COL4A1: variants seen among roughly 807,000 people sequenced by gnomAD.
The protein encoded by COL4A1 is collagen alpha-1(IV) chain.
In COL4A1, 40 loss-of-function variants were observed where a neutral mutation model predicts 216.6. That is an observed-to-expected ratio of 0.18 (90% CI 0.14 to 0.24). The LOEUF is 0.24. Ranked by LOEUF, COL4A1 falls within the 10% of genes least tolerant of loss-of-function variation. COL4A1 has a pLI of 1.00. For missense variants in COL4A1, 1,628 were observed against 2,196.8 expected, an observed-to-expected ratio of 0.74 and a Z score of 5.18; for synonymous variants, 839 against 810.7, an observed-to-expected ratio of 1.03 and a Z score of -0.59.
rs1201241878 is a variant in COL4A1, at chr13:110,170,603, T to C, written c.3686A>G (p.His1229Arg). The C allele has an allele frequency of 1.9e-6, 3 of 1,611,680 alleles. No individual in the cohort carries two copies. Among genetic ancestry groups the C allele is most frequent in the African/African-American group, 2.7e-5 (2 of 75,026 alleles). ...GQPGLPGSPG[H>R]ATEGPKGDRG... Reference sequence around the variant, plus strand: ...GTCTCCTTTGGGCCCCTCCGTGGCATGGCCTGGGGATCCCGGTAACCCCGG... The same window carrying C: ...GTCTCCTTTGGGCCCCTCCGTGGCACGGCCTGGGGATCCCGGTAACCCCGG... Residue 1229 changes from histidine (H) to arginine (R), a missense_variant, in exon 42 of 52, where the codon CAT (histidine) becomes CGT (arginine). By Grantham distance (29) the His-to-Arg change is conservative. Transcript: ENST00000375820.
At chr13:110,275,538 T>A (rs567742400) in intron 1 of COL4A1, among the ~76,000 whole-genome samples, 1 of 152,320 alleles carries the variant, frequency 6.6e-6, no homozygotes, top group South Asian at 2.1e-4. Context: ...CCAGCAATCA[T>A]GCTCCTTGCT....
At chr13:110,223,639 T>G (rs946730796) in intron 2 of COL4A1, among the ~76,000 whole-genome samples, 1 of 152,260 alleles carries the variant, frequency 6.6e-6, no homozygotes, top group South Asian at 2.1e-4. Flanking sequence ...TGGATGGTTG[T>G]GCATGTTGCA....
chr13:110,213,730 C>A, intron 4 of COL4A1, 52 bp downstream of exon 4: 4 of 1,575,844 alleles, frequency 2.5e-6, no homozygotes, highest in Non-Finnish European at 3.5e-6. Flanking sequence ...GCTCTGGAAG[C>A]GGGCCTGTCC....
At position 110,186,367 on chromosome 13, in the gene COL4A1, G is replaced by C. The variant is rs749550347; in HGVS notation, c.1897+18C>G. The stretch of plus-strand genomic sequence containing the variant: ...CGTTTACAACTTCATGCTGCATCAC[G>C]AGTTTCTCAGGCCTCACCTGGCAGG... On this transcript the variant is annotated intron_variant, in intron 26 of 51. Coordinates refer to ENST00000375820, the MANE Select transcript of COL4A1 (RefSeq NM_001845.6). 1.9e-6 allele frequency: 3 copies of C among 1,612,426 alleles called. No homozygotes were observed. In the Admixed American group the frequency reaches 5.0e-5, roughly 27 times the overall value.
At chr13:110,227,184 A>G (rs367750197) in intron 2 of COL4A1, among the ~76,000 whole-genome samples, 1 of 152,314 alleles carries the variant, frequency 6.6e-6, no homozygotes. Context: ...CTTAATGTCA[A>G]TAGACTAAAA....
rs112798700 is a variant in COL4A1, at chr13:110,306,995, C to G, written c.33G>C (p.Leu11=). MGPRLSVWLL[L]LPAALLLHEE... ...CGTGGAGCAGAAGGGCGGCGGGCAG[C>G]AGCAGCAGCCAGACGCTGAGCCGGG... Residue 11 remains leucine (L), a synonymous_variant, in exon 1 of 52, where the codon CTG becomes CTC. Transcript: ENST00000375820. 1 of 1,477,284 alleles carries G rather than the reference C, an allele frequency of 6.8e-7. No homozygotes were observed. The highest frequency in any genetic ancestry group is 2.3e-5 in the Admixed American group (1 of 43,788). The allele number at this position is 1,477,284 out of a possible 1,614,324, so 91.5% of individuals were successfully genotyped here. A position where few individuals can be genotyped will look rare whatever the true frequency, so the allele number is the denominator to read the frequency against.
chr13:110,288,421 G>A (rs531919465), intron 1 of COL4A1, among the ~76,000 whole-genome samples: 1 of 152,148 alleles, frequency 6.6e-6, no homozygotes, highest in South Asian at 2.1e-4. Context: ...AAAATCCATG[G>A]CTCAGGAGAT....
intron 39 of COL4A1, 73 bp downstream of exon 39, chr13:110,174,373 C>T (rs1877779485): frequency 1.3e-6 from 2 of 1,539,550 alleles, no homozygotes; most frequent in African/African-American, 1.4e-5. Context: ...GTGATGGGAA[C>T]TCCTTGGGGC....
intron 1 of COL4A1, among the ~76,000 whole-genome samples, chr13:110,251,063 T>C (rs1882051150): frequency 6.6e-6 from 1 of 152,224 alleles, no homozygotes; most frequent in South Asian, 2.1e-4. Flanking sequence ...CCAGTGCCTA[T>C]TTTACAGGCA....
chr13:110,299,361 T>C (rs933287793), intron 1 of COL4A1, among the ~76,000 whole-genome samples: 2 of 152,232 alleles, frequency 1.3e-5, no homozygotes, highest in South Asian at 2.1e-4. Context: ...TGTGAGCTCA[T>C]GTTGGACAAC....
At chr13:110,177,985 A>G in intron 32 of COL4A1, 54 bp from the exon 33 acceptor site, 2 of 1,613,936 alleles carry the variant, frequency 1.2e-6, no homozygotes, top group Non-Finnish European at 1.7e-6. Flanking sequence ...TGCTGACAGT[A>G]AATGCTGAGT....
chr13:110,285,484 C>T (rs908165532), intron 1 of COL4A1, among the ~76,000 whole-genome samples: 8 of 152,178 alleles, frequency 5.3e-5, no homozygotes, highest in African/African-American at 1.9e-4. Flanking sequence ...TTGAGCTAAG[C>T]TACTGTGATT....
chr13:110,279,009 T>C (rs1033603542), intron 1 of COL4A1, among the ~76,000 whole-genome samples: 2 of 152,184 alleles, frequency 1.3e-5, no homozygotes, highest in South Asian at 2.1e-4. Context: ...ACTGTCACGG[T>C]TGGCTCCTCT....
intron 1 of COL4A1, among the ~76,000 whole-genome samples, chr13:110,250,203 C>CAA (rs796114385): frequency 5.6e-5 from 4 of 71,840 alleles, no homozygotes; most frequent in African/African-American, 9.0e-5. Flanking sequence ...ACATTCTTGG[C>CAA]AAAAAAAAAA....
rs567775195 is a variant in COL4A1 at position 110,203,106 on chromosome 13, G to A, written c.999+460C>T. Among the ~76,000 whole-genome samples, 6 of 150,996 alleles carry A rather than the reference G, an allele frequency of 4.0e-5. No individual in the cohort carries two copies. In the South Asian group the frequency reaches 6.2e-4, roughly 16 times the overall value. ...CGGGCACCTGCGATCACAGCTACAC[G>A]GGGGGCTGAGATGGGAGAATCACTT... On this transcript the variant is annotated intron_variant, in intron 18 of 51. Transcript: ENST00000375820.
intron 1 of COL4A1, among the ~76,000 whole-genome samples, chr13:110,272,603 T>C (rs1187956499): frequency 6.6e-6 from 1 of 152,190 alleles, no homozygotes; most frequent in Non-Finnish European, 1.5e-5. Context: ...TTCTCAGCAT[T>C]GCACACATGG....
At chr13:110,162,881 A>T (rs1376719627) in intron 47 of COL4A1, among the ~76,000 whole-genome samples, 3 of 152,252 alleles carry the variant, frequency 2.0e-5, no homozygotes, top group Non-Finnish European at 4.4e-5. Context: ...TTCTTCCTCC[A>T]TAGCAGCCCA....
At chr13:110,156,069 C>T (rs1274008395) in intron 49 of COL4A1, among the ~76,000 whole-genome samples, 1 of 152,132 alleles carries the variant, frequency 6.6e-6, no homozygotes, top group East Asian at 1.9e-4. Flanking sequence ...GCGAGACCTG[C>T]CCCTAAAATA....
At chr13:110,249,456 G>A (rs768721139) in intron 1 of COL4A1, among the ~76,000 whole-genome samples, 7 of 152,080 alleles carry the variant, frequency 4.6e-5, no homozygotes, top group Non-Finnish European at 1.0e-4. Flanking sequence ...GGGAGTCCCC[G>A]GCCACACCAG....
Sources: gnomAD v4.1 joint callset for allele counts (sites outside exome capture counted in the v4.1 genomes callset) on GRCh38, gnomAD v4.1.1 for gene constraint, MANE v1.5 for transcripts, NCBI Gene and HGNC (gene_info 2026-07-23, HGNC 2026-07-21) for gene names.